Variants in PHLPP1 observed in about 807,000 individuals in gnomAD.
PHLPP1 encodes the protein PH domain and leucine rich repeat protein phosphatase 1.
PHLPP1 carries 42 observed loss-of-function variants against 117.2 expected under a neutral mutation model. The ratio of observed to expected loss-of-function variants is 0.36; its 90% CI spans 0.28 to 0.46. The LOEUF is 0.46. PHLPP1 is among the 20% of genes least tolerant of loss of function. The probability of loss-of-function intolerance (pLI) is 1.00; values close to 1 mark genes in which losing one functional copy is unlikely to be tolerated. For synonymous variants in PHLPP1, 1,042 were observed against 970.7 expected, an observed-to-expected ratio of 1.07 and a Z score of -1.37; for missense variants, 2,084 against 2,241.9, an observed-to-expected ratio of 0.93 and a Z score of 1.42.
At chr18:62,766,543 T>C (rs7240726) in intron 1 of PHLPP1, among the ~76,000 whole-genome samples, 35,683 of 151,726 alleles carry the variant, frequency 0.24, 6,712 homozygotes, top group African/African-American at 0.53. Context: ...CTCTGCCTGG[T>C]GAGCTGCACC....
chr18:62,716,012 C>G lies in PHLPP1; in HGVS notation c.329C>G (p.Pro110Arg). 7.2e-7 allele frequency: 1 copy of G among 1,384,336 alleles called. No homozygotes were observed. The highest frequency in any genetic ancestry group is 9.3e-7 in the Non-Finnish European group (1 of 1,077,900). The allele number at this position is 1,384,336 out of a possible 1,614,324, so 85.8% of individuals were successfully genotyped here. ...ATTGCCGGCGGGGCTGCCCCCGTAC[C>G]CGGGGCCGGCGGCGGCGCCAACTCC... ...QPIAGGAAPV[P>R]GAGGGANSLL... Residue 110 changes from proline to arginine, a missense_variant, in exon 1 of 17, where the codon CCC becomes CGC. Physicochemically the swap from Pro to Arg is moderately radical, Grantham distance 103. This residue lies in a region of PHLPP1 where 719 missense variants were observed against 636.0 expected (regional missense o/e 1.13). Coordinates refer to ENST00000262719, the MANE Select transcript of PHLPP1 (RefSeq NM_194449.4). This position sits in a 1 kb window ranked among gnomAD's most constrained non-coding sequence, Gnocchi z 5.7.
At chr18:62,758,991 C>T (rs142417137) in intron 1 of PHLPP1, among the ~76,000 whole-genome samples, 2 of 152,242 alleles carry the variant, frequency 1.3e-5, no homozygotes, top group African/African-American at 4.8e-5. Context: ...GTTCTGGAGT[C>T]AAAAACAAGA....
intron 1 of PHLPP1, among the ~76,000 whole-genome samples, chr18:62,785,814 G>C (rs1913266191): frequency 1.3e-5 from 2 of 152,182 alleles, no homozygotes; most frequent in African/African-American, 2.4e-5. Context: ...GGTATGGCAG[G>C]AGTGGGCCAT....
At chr18:62,963,069 G>A (rs996028676) in intron 13 of PHLPP1, among the ~76,000 whole-genome samples, 1 of 152,200 alleles carries the variant, frequency 6.6e-6, no homozygotes, top group Non-Finnish European at 1.5e-5. Context: ...GCTGAGAGCT[G>A]TCCTTGTCAT....
chr18:62,919,869 G>A (rs564495603), intron 9 of PHLPP1, 90 bp from the exon 10 acceptor site: 16 of 855,218 alleles, frequency 1.9e-5, no homozygotes, highest in Middle Eastern at 2.7e-4. Context: ...ATTTGTAGTT[G>A]CTCCAAGTGA....
chr18:62,905,896 T>G (rs73468197), intron 8 of PHLPP1, among the ~76,000 whole-genome samples: 9,941 of 152,274 alleles, frequency 0.065, 1,105 homozygotes, highest in African/African-American at 0.23. Flanking sequence ...ACAAATATTA[T>G]AGTAGACTTT....
At chr18:62,723,207 T>A (rs550027056) in intron 1 of PHLPP1, among the ~76,000 whole-genome samples, 1 of 152,330 alleles carries the variant, frequency 6.6e-6, no homozygotes, top group African/African-American at 2.4e-5. Context: ...ATACTTTGTT[T>A]GGAGGTTGCA....
chr18:62,925,510 CA>C (rs1326698201), intron 10 of PHLPP1, among the ~76,000 whole-genome samples: 1 of 150,282 alleles, frequency 6.7e-6, no homozygotes, highest in Non-Finnish European at 1.5e-5. Flanking sequence ...CCATAAGTTT[CA>C]GTGACTCAGA....
At chr18:62,769,593 G>A (rs1395086162) in intron 1 of PHLPP1, among the ~76,000 whole-genome samples, 2 of 152,082 alleles carry the variant, frequency 1.3e-5, no homozygotes, top group Admixed American at 6.5e-5. Context: ...GGCCATTACT[G>A]TTTGTTGTCT....
chr18:62,836,748 A>G (rs1386489304), intron 2 of PHLPP1, among the ~76,000 whole-genome samples: 1 of 151,414 alleles, frequency 6.6e-6, no homozygotes, highest in Admixed American at 6.6e-5. Flanking sequence ...CATTAAAAAA[A>G]AAAAAAACTT....
At chr18:62,955,308 GT>G (rs1910580375) in intron 12 of PHLPP1, among the ~76,000 whole-genome samples, 1 of 152,192 alleles carries the variant, frequency 6.6e-6, no homozygotes, top group Non-Finnish European at 1.5e-5. Flanking sequence ...ATTCTGAGGA[GT>G]TTGGTGTCGG....
In PHLPP1 at chr18:62,978,561, C is replaced by G. The variant is rs1053625323; in HGVS notation, c.4284C>G (p.Ser1428Arg). ...VVVQLSVTEDSFCCCELSAGG... is the reference protein window; with the variant it reads ...VVVQLSVTEDRFCCCELSAGG... ...TGCAGCTCAGTGTCACTGAGGACAG[C>G]TTCTGCTGCTGCGAGCTCAGCGCCG... The change falls in exon 17 of 17, where the codon AGC (serine) becomes AGG (arginine). Residue 1428 changes from serine to arginine, a missense_variant. Ser to Arg is a moderately radical substitution (Grantham distance 110). This residue lies in a region of PHLPP1 where 1,365 missense variants were observed against 1,605.9 expected (regional missense o/e 0.85). Transcript: ENST00000262719. This position sits in a 1 kb window ranked among gnomAD's most constrained non-coding sequence, Gnocchi z 7.0. The G allele has an allele frequency of 2.5e-6, 4 of 1,612,764 alleles. No individual in the cohort carries two copies. Among genetic ancestry groups the G allele is most frequent in the African/African-American group, 1.3e-5 (1 of 74,910 alleles).
intron 1 of PHLPP1, among the ~76,000 whole-genome samples, chr18:62,798,481 C>T (rs151048003): frequency 1.3e-5 from 2 of 152,196 alleles, no homozygotes; most frequent in Admixed American, 6.5e-5. Context: ...AGATAGTTTA[C>T]GGGAGTTGAC....
At chr18:62,923,971 G>T (rs1291487621) in intron 10 of PHLPP1, among the ~76,000 whole-genome samples, 1 of 152,212 alleles carries the variant, frequency 6.6e-6, no homozygotes, top group Non-Finnish European at 1.5e-5. Context: ...TGTGCTGGAT[G>T]CATAGGACAT....
chr18:62,931,157 A>G (rs1031802502), intron 10 of PHLPP1, among the ~76,000 whole-genome samples: 1 of 151,614 alleles, frequency 6.6e-6, no homozygotes, highest in Admixed American at 6.6e-5. Flanking sequence ...AGATCACACC[A>G]CTGCACTCCA....
intron 1 of PHLPP1, among the ~76,000 whole-genome samples, chr18:62,735,326 C>T (rs1020298450): frequency 5.3e-5 from 8 of 151,960 alleles, no homozygotes; most frequent in Non-Finnish European, 7.4e-5. Context: ...TCAAGTAATC[C>T]GCCTGTCTTG....
intron 1 of PHLPP1, among the ~76,000 whole-genome samples, chr18:62,794,179 T>C (rs1306745972): frequency 3.3e-5 from 5 of 152,174 alleles, no homozygotes; most frequent in Non-Finnish European, 2.9e-5. Context: ...TGCACACTTA[T>C]ATATCTATCC....
rs1228380683 is a variant in PHLPP1 at position 62,715,874 on chromosome 18, A to ACGGCAG, written c.201_206dup (p.Ser68_Gly69dup). 67 of 812,874 alleles carry ACGGCAG rather than the reference A, an allele frequency of 8.2e-5. No homozygotes were observed. The African/African-American group carries it at 1.2e-3, about 14-fold the overall frequency. The allele number at this position is 812,874 out of a possible 1,614,324, so 50.4% of individuals were successfully genotyped here. ...ACCCCGGCGGCCCCGAGCGGCGGGA[A>ACGGCAG]CGGCAGCGGCAGCGGGGCGCGGGAA... On this transcript the variant is annotated inframe_insertion, in exon 1 of 17. Transcript: ENST00000262719.
chr18:62,949,286 A>G (rs1035370164), intron 12 of PHLPP1, among the ~76,000 whole-genome samples: 1 of 152,258 alleles, frequency 6.6e-6, no homozygotes, highest in Non-Finnish European at 1.5e-5. Flanking sequence ...TAGCTTTGTT[A>G]CCAAAGTTTT....
Sources: allele counts gnomAD v4.1 joint callset (sites outside exome capture counted in the v4.1 genomes callset), GRCh38; gene constraint gnomAD v4.1.1; regional missense constraint gnomAD v4.1.1; non-coding constraint Gnocchi (gnomAD v3.1); transcripts MANE v1.5; gene names NCBI Gene and HGNC (gene_info 2026-07-23, HGNC 2026-07-21).